Variants in RNF130 observed in about 807,000 individuals in gnomAD.
The protein encoded by RNF130 is ring finger protein 130.
Under a neutral mutation model 44.6 loss-of-function variants are expected in RNF130, and 21 were observed. The ratio of observed to expected loss-of-function variants is 0.47; its 90% CI spans 0.33 to 0.68. The LOEUF (loss-of-function observed/expected upper bound fraction) is 0.68, where lower values mean the gene tolerates loss of function less well. RNF130 is among the 30% of genes least tolerant of loss of function. RNF130 has a pLI of 0.02. For synonymous variants in RNF130, 214 were observed against 210.4 expected (o/e 1.02, Z -0.15); for missense variants, 479 against 560.6 (o/e 0.85, Z 1.47).
chr5:179,946,691 C>T (rs1430592567), intron 7 of RNF130, among the ~76,000 whole-genome samples: 3 of 151,930 alleles, frequency 2.0e-5, no homozygotes, highest in South Asian at 2.1e-4. Context: ...GTAGCTGGGA[C>T]TACAGGCGCC....
In RNF130 at chr5:179,996,536, T is replaced by C. The variant is rs569799737; in HGVS notation, c.694-16336A>G. On this transcript the variant is annotated intron_variant, in intron 3 of 8. Coordinates refer to ENST00000521389, the MANE Select transcript of RNF130 (RefSeq NM_018434.6). ...TAAGAGTTCATATCATGAAGCCACTTATCAAATGCTTTTTCTGCATCTACT... is the reference window on the plus strand; with the variant it reads ...TAAGAGTTCATATCATGAAGCCACTCATCAAATGCTTTTTCTGCATCTACT... Among the ~76,000 whole-genome samples the C allele has an allele frequency of 3.3e-4, 50 of 152,366 alleles. 1 individual carries two copies. The highest frequency in any genetic ancestry group is 3.4e-3 in the Middle Eastern group (1 of 294).
At chr5:180,060,941 C>T (rs1003946611) in intron 1 of RNF130, among the ~76,000 whole-genome samples, 9 of 151,784 alleles carry the variant, frequency 5.9e-5, no homozygotes, top group Non-Finnish European at 1.2e-4. Context: ...AGGTAGTGGG[C>T]GCCTGTAGTC....
At chr5:180,023,270 T>G (rs1763913422) in intron 2 of RNF130, among the ~76,000 whole-genome samples, 1 of 152,242 alleles carries the variant, frequency 6.6e-6, no homozygotes, top group Non-Finnish European at 1.5e-5. Context: ...GATACACGCA[T>G]GTATTTCCTT....
intron 1 of RNF130, among the ~76,000 whole-genome samples, chr5:180,053,112 A>G (rs1764727196): frequency 6.6e-6 from 1 of 152,236 alleles, no homozygotes; most frequent in African/African-American, 2.4e-5. Context: ...ATGCGGGAGC[A>G]TGCCGAGGTC....
chr5:179,991,311 T>C (rs1561683261), intron 3 of RNF130, among the ~76,000 whole-genome samples: 1 of 152,234 alleles, frequency 6.6e-6, no homozygotes, highest in Non-Finnish European at 1.5e-5. Context: ...CTGATGACTA[T>C]ATGTCATGGT....
intron 3 of RNF130, among the ~76,000 whole-genome samples, chr5:179,987,707 CTG>C (rs1361914168): frequency 2.0e-5 from 3 of 152,206 alleles, no homozygotes; most frequent in Admixed American, 1.3e-4. Flanking sequence ...AACGCCTTTT[CTG>C]TGTCTATTGA....
intron 2 of RNF130, among the ~76,000 whole-genome samples, chr5:180,024,723 A>G (rs959239391): frequency 1.3e-5 from 2 of 152,246 alleles, no homozygotes; most frequent in African/African-American, 2.4e-5. Context: ...TCAGAAAGAA[A>G]TAAAGAACAG....
chr5:179,961,061 G>A lies in RNF130; in HGVS notation c.1244+2410C>T, dbSNP rs114340659. Among the ~76,000 whole-genome samples, 1,230 of 151,686 alleles carry A rather than the reference G, an allele frequency of 8.1e-3. 16 individuals are homozygous for A. The highest frequency in any genetic ancestry group is 0.028 in the African/African-American group (1,174 of 41,352). On this transcript the variant is annotated intron_variant, in intron 8 of 8. Transcript: ENST00000521389. ...AGTACTATTATCTTTCCTATCATCT[G>A]CCACAATAAAAACTGCCTTTAAAAA...
At chr5:179,984,646 AT>A (rs1333645024) in intron 3 of RNF130, among the ~76,000 whole-genome samples, 2 of 152,058 alleles carry the variant, frequency 1.3e-5, no homozygotes, top group Non-Finnish European at 1.5e-5. Context: ...AATTTGCTAA[AT>A]TTTTTAGAAT....
intron 1 of RNF130, among the ~76,000 whole-genome samples, chr5:180,052,036 G>A (rs1305519401): frequency 2.0e-5 from 3 of 152,044 alleles, no homozygotes; most frequent in Non-Finnish European, 2.9e-5. Context: ...AACTCTTCCC[G>A]AGGCTCTCTG....
At chr5:179,995,201 C>CCT (rs146348005) in intron 3 of RNF130, among the ~76,000 whole-genome samples, 23,886 of 151,650 alleles carry the variant, frequency 0.16, 2,006 homozygotes, top group Admixed American at 0.19. Context: ...ATGGGACCTG[C>CCT]CTCTCTCTCT....
chr5:179,940,064 G>A lies in RNF130; in HGVS notation c.1151-19638C>T, dbSNP rs555947106. 5.2e-5 allele frequency: 11 copies of A among 211,336 alleles called. 1 individual carries two copies. The South Asian group carries it at 7.2e-4, about 14-fold the overall frequency. The allele number at this position is 211,336 out of a possible 1,614,324, so 13.1% of individuals were successfully genotyped here. A position where few individuals can be genotyped will look rare whatever the true frequency, so the allele number is the denominator to read the frequency against. On this transcript the variant is annotated intron_variant, in intron 7 of 7. Coordinates refer to the RNF130 transcript ENST00000522208. The stretch of plus-strand genomic sequence containing the variant: ...AGGACTTTTATCTGGGTGCCACATC[G>A]GTGTCATTCTCCAACATGCTGTTTT...
intron 2 of RNF130, among the ~76,000 whole-genome samples, chr5:180,029,046 C>T (rs1764062668): frequency 6.6e-6 from 1 of 152,170 alleles, no homozygotes; most frequent in South Asian, 2.1e-4. Context: ...GACTCCGTTA[C>T]CCGAAATCAC....
At chr5:179,949,011 G>A (rs1006952529) in intron 7 of RNF130, among the ~76,000 whole-genome samples, 1 of 149,796 alleles carries the variant, frequency 6.7e-6, no homozygotes, top group Non-Finnish European at 1.5e-5. Flanking sequence ...TGTCACCCAG[G>A]CTGGAATGCA....
rs77381803 is a variant in RNF130, at chr5:180,057,969, C to T, written c.247+13487G>A. On this transcript the variant is annotated intron_variant, in intron 1 of 8. Coordinates refer to ENST00000521389, the MANE Select transcript of RNF130 (RefSeq NM_018434.6). ...CTAGGCCCTTTACCTGTGGGGTCTG[C>T]GCTAACTTTACCAGGTAGTTAGTGT... 5.6e-3 allele frequency among the ~76,000 whole-genome samples: 854 copies of T among 152,166 alleles called. 6 individuals are homozygous for T. Among genetic ancestry groups the T allele is most frequent in the Non-Finnish European group, 9.9e-3 (674 of 68,006 alleles).
At chr5:180,036,049 T>C (rs1764242737) in intron 2 of RNF130, among the ~76,000 whole-genome samples, 1 of 152,248 alleles carries the variant, frequency 6.6e-6, no homozygotes, top group Non-Finnish European at 1.5e-5. Context: ...AGACTTTTGT[T>C]TTCCTGAATA....
At chr5:179,952,455 T>C (rs79716036), downstream of RNF130, among the ~76,000 whole-genome samples, 3,591 of 152,198 alleles carry the variant, frequency 0.024, 149 homozygotes, top group African/African-American at 0.081. Context: ...TTCTTAAGAT[T>C]TTCCAAAAAA....
chr5:179,968,667 TAAAAAAAAAAAAA>T (rs35941932), intron 6 of RNF130, among the ~76,000 whole-genome samples: 1 of 68,106 alleles, frequency 1.5e-5, no homozygotes, highest in African/African-American at 4.6e-5. Context: ...CTCTGTCTCA[TAAAAAAAAAAAAA>T]AAAAAAAAGA....
At chr5:180,061,971 C>T (rs1464728940) in intron 1 of RNF130, among the ~76,000 whole-genome samples, 1 of 152,122 alleles carries the variant, frequency 6.6e-6, no homozygotes, top group Admixed American at 6.5e-5. Context: ...GGTGTCAGAG[C>T]CCGCTGTCTG....
Sources: gnomAD v4.1 joint callset for allele counts (sites outside exome capture counted in the v4.1 genomes callset) on GRCh38, gnomAD v4.1.1 for gene constraint, MANE v1.5 for transcripts, NCBI Gene and HGNC (gene_info 2026-07-23, HGNC 2026-07-21) for gene names.